RBKS: variants seen among roughly 807,000 people sequenced by gnomAD.
RBKS encodes the protein ribokinase.
RBKS carries 33 observed loss-of-function variants against 33.9 expected under a neutral mutation model. That is an observed-to-expected ratio of 0.97 (90% CI 0.74 to 1.30). The LOEUF is 1.30. Ranked by LOEUF, RBKS falls within the 50% of genes most tolerant of loss-of-function variation. RBKS has a pLI of 0.00. For missense variants in RBKS, 361 were observed against 392.6 expected (o/e 0.92, Z 0.68); for synonymous variants, 125 against 143.0 (o/e 0.87, Z 0.90).
intron 1 of RBKS, among the ~76,000 whole-genome samples, chr2:27,859,110 T>C (rs933487351): frequency 1.3e-5 from 2 of 151,910 alleles, no homozygotes; most frequent in Non-Finnish European, 2.9e-5. Flanking sequence ...AGAGTAAGAG[T>C]GGGGTGTTCA....
chr2:27,838,491 T>C (rs1474458007), intron 5 of RBKS, among the ~76,000 whole-genome samples: 4 of 152,208 alleles, frequency 2.6e-5, no homozygotes, highest in African/African-American at 9.7e-5. Context: ...ATCAACCTTA[T>C]TTGCCTGTAC....
intron 7 of RBKS, among the ~76,000 whole-genome samples, chr2:27,799,578 C>A (rs1204812517): frequency 2.0e-5 from 3 of 152,174 alleles, no homozygotes; most frequent in Non-Finnish European, 2.9e-5. Context: ...TGGGATGAAA[C>A]ATGACTAAAT....
At chr2:27,854,258 A>C (rs1436686557) in intron 2 of RBKS, among the ~76,000 whole-genome samples, 1 of 152,230 alleles carries the variant, frequency 6.6e-6, no homozygotes, top group East Asian at 1.9e-4. Context: ...AATTGCTATA[A>C]ATGATCCTAA....
chr2:27,842,969 G>C (rs1170220116), intron 5 of RBKS, 98 bp downstream of exon 5: 1 of 849,048 alleles, frequency 1.2e-6, no homozygotes, highest in East Asian at 2.9e-5. Flanking sequence ...AATATTTTAC[G>C]ACAGAAAGAG....
chr2:27,818,277 T>C (rs764347394), intron 7 of RBKS, among the ~76,000 whole-genome samples: 20 of 152,150 alleles, frequency 1.3e-4, no homozygotes, highest in Non-Finnish European at 2.6e-4. Flanking sequence ...GAGGCTGCAG[T>C]GTACTGTACA....
intron 7 of RBKS, among the ~76,000 whole-genome samples, chr2:27,818,073 A>G (rs1354184435): frequency 6.6e-6 from 1 of 152,144 alleles, no homozygotes; most frequent in Non-Finnish European, 1.5e-5. Flanking sequence ...TACAGAGCCA[A>G]GAGAATATCC....
Position 27,847,037 on chromosome 2 carries a change from C to G in RBKS, c.349+5G>C. 1 of 1,589,070 alleles carries G rather than the reference C, an allele frequency of 6.3e-7. No homozygotes were observed. Among genetic ancestry groups the G allele is most frequent in the Non-Finnish European group, 8.6e-7 (1 of 1,157,716 alleles). On this transcript the variant is annotated splice_donor_5th_base_variant and intron_variant, in intron 4 of 7. Coordinates refer to ENST00000302188, the MANE Select transcript of RBKS (RefSeq NM_022128.3). ...AAATGACACTCCAATATGCAAAACA[C>G]TTACCTTCATTATTGACAATTATAG... is the stretch of plus-strand genomic sequence containing the variant.
In RBKS at chr2:27,837,480, C is replaced by T. The variant is rs1164343687; in HGVS notation, c.515-4703G>A. Among the ~76,000 whole-genome samples, 2 of 152,142 alleles carry T rather than the reference C, an allele frequency of 1.3e-5. No homozygotes were observed. Among genetic ancestry groups the T allele is most frequent in the African/African-American group, 2.4e-5 (1 of 41,426 alleles). On this transcript the variant is annotated intron_variant, in intron 5 of 7. Coordinates refer to ENST00000302188, the MANE Select transcript of RBKS (RefSeq NM_022128.3). The surrounding 1 kb of genome is among the most constrained non-coding windows in gnomAD (Gnocchi z 4.0). ...ACCCAGCAATCCTATGCCTGGTACA[C>T]ACCCAAAGGAAAACAGATCATTATA...
chr2:27,864,227 T>C (rs1341969419), intron 1 of RBKS, among the ~76,000 whole-genome samples: 2 of 151,980 alleles, frequency 1.3e-5, no homozygotes. Flanking sequence ...CTCGCTATGT[T>C]GCCCAGGCTA....
intron 7 of RBKS, among the ~76,000 whole-genome samples, chr2:27,787,384 G>T (rs1334706653): frequency 6.6e-6 from 1 of 152,176 alleles, no homozygotes; most frequent in Non-Finnish European, 1.5e-5. Flanking sequence ...AGTGAGCCGT[G>T]ATCATGTCAC....
chr2:27,859,127 A>G (rs924148875), intron 1 of RBKS, among the ~76,000 whole-genome samples: 5 of 152,210 alleles, frequency 3.3e-5, no homozygotes, highest in Admixed American at 1.3e-4. Context: ...TTCAGAGAGC[A>G]GGATCAGGTT....
At chr2:27,850,301 C>T (rs1663714454) in intron 2 of RBKS, among the ~76,000 whole-genome samples, 1 of 152,202 alleles carries the variant, frequency 6.6e-6, no homozygotes, top group Non-Finnish European at 1.5e-5. Context: ...TACTTTGTTA[C>T]AACTGATAAA....
At chr2:27,804,868 A>G (rs1677866163) in intron 7 of RBKS, among the ~76,000 whole-genome samples, 1 of 152,208 alleles carries the variant, frequency 6.6e-6, no homozygotes, top group Non-Finnish European at 1.5e-5. Flanking sequence ...CTACAAAAAA[A>G]TGCAAAACTT....
At chr2:27,799,519 A>G (rs1270223048) in intron 7 of RBKS, among the ~76,000 whole-genome samples, 1 of 152,270 alleles carries the variant, frequency 6.6e-6, no homozygotes, top group Non-Finnish European at 1.5e-5. Flanking sequence ...CACTGTGGAC[A>G]TGAATTCCTC....
chr2:27,788,482 G>C (rs1677447890), intron 7 of RBKS, among the ~76,000 whole-genome samples: 2 of 152,188 alleles, frequency 1.3e-5, no homozygotes, highest in South Asian at 4.1e-4. Flanking sequence ...GAGACGGGTG[G>C]ATAACAAGGT....
rs561866734 is a variant in RBKS, at chr2:27,839,624, G to A, written c.514+3443C>T. On this transcript the variant is annotated intron_variant, in intron 5 of 7. Transcript: ENST00000302188. ...TATTAGCATAATCTAGTTATGCAATGTGCTTAATTCAAAATTCACTACCTG... is the reference window on the plus strand; with the variant it reads ...TATTAGCATAATCTAGTTATGCAATATGCTTAATTCAAAATTCACTACCTG... Among the ~76,000 whole-genome samples, 7 of 152,292 alleles carry A rather than the reference G, an allele frequency of 4.6e-5. No homozygotes were observed. The South Asian group carries it at 1.4e-3, about 32-fold the overall frequency.
At position 27,858,427 on chromosome 2, in the gene RBKS, C is replaced by T. The variant is rs1663903014; in HGVS notation, c.222+12G>A. On this transcript the variant is annotated intron_variant, in intron 2 of 7. Coordinates refer to ENST00000302188, the MANE Select transcript of RBKS (RefSeq NM_022128.3). ...TACCTCTAGAGTCCTCTCCACTATA[C>T]TTTGTACTTACCTTACACACCATGG... The T allele has an allele frequency of 1.2e-6, 2 of 1,606,138 alleles. No individual in the cohort carries two copies. Among genetic ancestry groups the T allele is most frequent in the African/African-American group, 1.3e-5 (1 of 74,344 alleles).
chr2:27,869,211 A>T (rs1223568804), intron 1 of RBKS, among the ~76,000 whole-genome samples: 2 of 152,172 alleles, frequency 1.3e-5, no homozygotes, highest in African/African-American at 4.8e-5. Context: ...TTTATTGTGT[A>T]ATTTTTATTT....
chr2:27,879,957 TGAG>T (rs1435337137), intron 1 of RBKS, among the ~76,000 whole-genome samples: 1 of 152,018 alleles, frequency 6.6e-6, no homozygotes, highest in Non-Finnish European at 1.5e-5. Flanking sequence ...TCCAAAAAAC[TGAG>T]GAGGAGGGAC....
Sources: gnomAD v4.1 joint callset for allele counts (sites outside exome capture counted in the v4.1 genomes callset) on GRCh38, gnomAD v4.1.1 for gene constraint, Gnocchi (gnomAD v3.1) non-coding constraint, MANE v1.5 for transcripts, NCBI Gene and HGNC (gene_info 2026-07-23, HGNC 2026-07-21) for gene names.